Variants in LIMS1 observed in about 807,000 individuals in gnomAD.
LIMS1 encodes LIM zinc finger domain containing 1.
LIMS1 carries 18 observed loss-of-function variants against 44.1 expected under a neutral mutation model. The observed-to-expected ratio is 0.41, with a 90% confidence interval of 0.28 to 0.61. LIMS1 has a LOEUF of 0.61. LIMS1 is among the 20% of genes least tolerant of loss of function. The pLI is 0.32. For missense variants in LIMS1, 201 were observed against 422.0 expected (o/e 0.48, Z 4.59); for synonymous variants, 93 against 149.1 (o/e 0.62, Z 2.74).
intron 1 of LIMS1, among the ~76,000 whole-genome samples, chr2:108,611,956 T>C (rs1157749538): frequency 7.3e-6 from 1 of 137,914 alleles, no homozygotes; most frequent in Non-Finnish European, 1.5e-5. Flanking sequence ...TATATACATA[T>C]ATTATATATA....
chr2:108,569,525 T>C (rs1217540239), intron 1 of LIMS1, among the ~76,000 whole-genome samples: 1 of 152,182 alleles, frequency 6.6e-6, no homozygotes, highest in Non-Finnish European at 1.5e-5. Flanking sequence ...ATTCATTCTT[T>C]TGAATGTGGA....
intron 1 of LIMS1, chr2:108,621,440 G>GT: frequency 6.4e-7 from 1 of 1,551,130 alleles, no homozygotes. Flanking sequence ...AGAGTAAATG[G>GT]GTTACCAGAG....
At chr2:108,617,750 C>A (rs1396769400) in intron 1 of LIMS1, among the ~76,000 whole-genome samples, 1 of 152,188 alleles carries the variant, frequency 6.6e-6, no homozygotes. Flanking sequence ...AGTGATCCTT[C>A]TTCCAGTCTT....
At chr2:108,638,828 A>G (rs826694) in intron 1 of LIMS1, among the ~76,000 whole-genome samples, 56,943 of 151,812 alleles carry the variant, frequency 0.38, 11,271 homozygotes, top group Middle Eastern at 0.52. Context: ...TGGATCATGA[A>G]GTCAGGAGAT....
In LIMS1 at chr2:108,534,613, G is replaced by C; in HGVS notation, c.32+19G>C. On this transcript the variant is annotated intron_variant, in intron 1 of 9. Coordinates refer to ENST00000544547, the Ensembl canonical transcript of LIMS1. Reference sequence around the variant, plus strand: ...CCCACAGGTACGGGCCGCACCGCGCGGCCCCCGCCACGTCCGCCCCGCAGC... The same window carrying C: ...CCCACAGGTACGGGCCGCACCGCGCCGCCCCCGCCACGTCCGCCCCGCAGC... 6.2e-6 allele frequency: 7 copies of C among 1,123,498 alleles called. No individual in the cohort carries two copies. Among genetic ancestry groups the C allele is most frequent in the Non-Finnish European group, 7.7e-6 (7 of 913,976 alleles). The allele number at this position is 1,123,498 out of a possible 1,614,324, so 69.6% of individuals were successfully genotyped here.
At chr2:108,534,206 T>C (rs1684027111), upstream of LIMS1, 1 of 155,084 alleles carries the variant, frequency 6.4e-6, no homozygotes, top group African/African-American at 2.4e-5. Context: ...CAGACTAGCC[T>C]GGGGTGCTGA....
intron 1 of LIMS1, among the ~76,000 whole-genome samples, chr2:108,599,680 C>T (rs1285415854): frequency 6.6e-6 from 1 of 152,122 alleles, no homozygotes; most frequent in African/African-American, 2.4e-5. Flanking sequence ...ACATCCTCAC[C>T]AGTATTTGTT....
At chr2:108,653,600 A>G (rs1690650362) in intron 1 of LIMS1, among the ~76,000 whole-genome samples, 2 of 152,226 alleles carry the variant, frequency 1.3e-5, no homozygotes, top group South Asian at 2.1e-4. Context: ...CTCTAGTGCT[A>G]CATCATGATT....
intron 2 of LIMS1, among the ~76,000 whole-genome samples, chr2:108,664,386 G>A (rs548317367): frequency 2.5e-4 from 38 of 152,206 alleles, no homozygotes; most frequent in Non-Finnish European, 4.1e-4. Flanking sequence ...AACAGTTAGA[G>A]CCATTCTTGG....
chr2:108,680,874 T>C, intron 9 of LIMS1, 104 bp downstream of exon 9: 1 of 1,478,732 alleles, frequency 6.8e-7, no homozygotes, highest in Non-Finnish European at 9.0e-7. Flanking sequence ...TTTGATTTCT[T>C]ATTTCCTCTT....
At chr2:108,636,851 AGAG>A (rs1365915224) in intron 1 of LIMS1, among the ~76,000 whole-genome samples, 1 of 152,108 alleles carries the variant, frequency 6.6e-6, no homozygotes, top group Non-Finnish European at 1.5e-5. Context: ...CTGCAGAACA[AGAG>A]GAGTGACTGA....
intron 1 of LIMS1, among the ~76,000 whole-genome samples, chr2:108,652,248 T>G (rs1433688909): frequency 2.6e-5 from 4 of 152,252 alleles, no homozygotes; most frequent in Non-Finnish European, 5.9e-5. Context: ...ATACAGAAAT[T>G]TCTATAGTTT....
intron 1 of LIMS1, among the ~76,000 whole-genome samples, chr2:108,569,443 C>T (rs1009679997): frequency 5.3e-5 from 8 of 152,016 alleles, no homozygotes; most frequent in African/African-American, 1.9e-4. Context: ...CTTGTATTTT[C>T]TTCTAGGAGT....
rs1194602923 is a variant in LIMS1, at chr2:108,635,408, G to A, written c.33-24197G>A. Among the ~76,000 whole-genome samples, 24 of 118,920 alleles carry A rather than the reference G, an allele frequency of 2.0e-4. 1 individual carries two copies. The Admixed American group carries it at 2.4e-3, about 12-fold the overall frequency. The allele number at this position is 118,920 out of a possible 152,430, so 78.0% of individuals were successfully genotyped here. ...GCACCATCACACTCCAGCCTGGGGG[G>A]AAAGAGCAAGACTTCATCTCTAAAA... is the stretch of plus-strand genomic sequence containing the variant. On this transcript the variant is annotated intron_variant, in intron 1 of 9. Coordinates refer to ENST00000544547, the Ensembl canonical transcript of LIMS1.
At chr2:108,670,104 G>A (rs1379369612) in intron 2 of LIMS1, among the ~76,000 whole-genome samples, 1 of 152,114 alleles carries the variant, frequency 6.6e-6, no homozygotes, top group East Asian at 1.9e-4. Flanking sequence ...TAAAATTGGA[G>A]CACATAAAAT....
intron 1 of LIMS1, among the ~76,000 whole-genome samples, chr2:108,628,772 AT>A (rs1161693082): frequency 2.0e-5 from 3 of 152,132 alleles, no homozygotes; most frequent in Admixed American, 6.6e-5. Flanking sequence ...GCCTCAGTGC[AT>A]TAATTTTTGA....
chr2:108,534,493 G>A (rs1684045491), exon 1 of LIMS1: 5 of 1,136,936 alleles, frequency 4.4e-6, no homozygotes, highest in Middle Eastern at 3.6e-4. Flanking sequence ...GGCGGCGAGG[G>A]ACTAGGACGC....
chr2:108,618,801 G>A (rs920563668), intron 1 of LIMS1, among the ~76,000 whole-genome samples: 3 of 147,694 alleles, frequency 2.0e-5, no homozygotes, highest in African/African-American at 7.6e-5. Context: ...CTCCAGCCTG[G>A]CGACAGAGCA....
intron 1 of LIMS1, among the ~76,000 whole-genome samples, chr2:108,626,486 T>C (rs966075459): frequency 1.3e-5 from 2 of 152,202 alleles, no homozygotes; most frequent in African/African-American, 4.8e-5. Context: ...CAAGTACTTA[T>C]ATTGTAATAA....
Sources: allele counts gnomAD v4.1 joint callset (sites outside exome capture counted in the v4.1 genomes callset), GRCh38; gene constraint gnomAD v4.1.1; transcripts MANE v1.5; gene names NCBI Gene and HGNC (gene_info 2026-07-23, HGNC 2026-07-21).